DNAJB14: variants seen among roughly 807,000 people sequenced by gnomAD.
DNAJB14 encodes the protein dnaJ homolog subfamily B member 14.
In DNAJB14, 22 loss-of-function variants were observed where a neutral mutation model predicts 48.4. That is an observed-to-expected ratio of 0.45 (90% CI 0.32 to 0.65). The LOEUF is 0.65. DNAJB14 is among the 30% of genes least tolerant of loss of function. The probability of loss-of-function intolerance (pLI) is 0.03; values close to 1 mark genes in which losing one functional copy is unlikely to be tolerated. For missense variants in DNAJB14, 319 were observed against 458.8 expected, an observed-to-expected ratio of 0.70 and a Z score of 2.78; for synonymous variants, 142 against 158.7, an observed-to-expected ratio of 0.89 and a Z score of 0.79.
chr4:99,903,736 T>C lies in DNAJB14; in HGVS notation c.1005A>G (p.Glu335=). Residue 335 remains glutamate, a synonymous_variant, in exon 7 of 8, where the codon GAA becomes GAG. Coordinates refer to ENST00000442697, the MANE Select transcript of DNAJB14 (RefSeq NM_001031723.4). ...ACATGACAAACTTACTTTGTTGTCT[T>C]TCTTTCCAGCAGTTATTTCGAATAT... The part of the protein sequence containing the change: ...VTNIRNNCWK[E]RQQKTDMQYA... 6.2e-7 allele frequency: 1 copy of C among 1,607,644 alleles called. No homozygotes were observed. The highest frequency in any genetic ancestry group is 1.1e-5 in the South Asian group (1 of 90,524).
At chr4:99,923,625 G>A (rs974107427) in intron 2 of DNAJB14, 3 of 983,806 alleles carry the variant, frequency 3.0e-6, no homozygotes, top group Non-Finnish European at 3.6e-6. Flanking sequence ...CTTGCATAAT[G>A]TAGATCTAAC....
chr4:99,906,057 G>A, intron 5 of DNAJB14: 1 of 1,313,520 alleles, frequency 7.6e-7, no homozygotes, highest in Non-Finnish European at 9.9e-7. Flanking sequence ...GAGGGTAGAA[G>A]ATGGGAGCTG....
chr4:99,920,062 CTGA>C (rs760001359), intron 3 of DNAJB14, among the ~76,000 whole-genome samples: 13 of 152,148 alleles, frequency 8.5e-5, no homozygotes, highest in South Asian at 2.1e-4. Flanking sequence ...CTGGGTAAAT[CTGA>C]GTCTCAATTT....
Position 99,910,446 on chromosome 4 carries a change from T to A in DNAJB14, c.452-1550A>T, listed in dbSNP as rs188212261. On this transcript the variant is annotated intron_variant, in intron 3 of 7. Transcript: ENST00000442697. ...TTAGTAACAATATCAATTTTAGGATTTAACATCTATAAACTAAAAGGGCTA... is the reference window on the plus strand; with the variant it reads ...TTAGTAACAATATCAATTTTAGGATATAACATCTATAAACTAAAAGGGCTA... 6.0e-4 allele frequency: 92 copies of A among 152,170 alleles called. 1 individual carries two copies. The highest frequency in any genetic ancestry group is 1.9e-3 in the African/African-American group (77 of 41,572). The allele number at this position is 152,170 out of a possible 1,614,324, so 9.4% of individuals were successfully genotyped here.
At chr4:99,944,991 T>A (rs1031843560) in intron 1 of DNAJB14, among the ~76,000 whole-genome samples, 4 of 152,198 alleles carry the variant, frequency 2.6e-5, no homozygotes, top group African/African-American at 9.7e-5. Flanking sequence ...AATCTACCTA[T>A]CTGAGGTAAC....
chr4:99,924,703 G>A lies in DNAJB14; in HGVS notation c.306-1518C>T, dbSNP rs571274156. The stretch of plus-strand genomic sequence containing the variant: ...TGTAGAGACTCATTCTCCTAGAAAT[G>A]TTTAGAAGCTATGTGATAGAAAAAA... On this transcript the variant is annotated intron_variant, in intron 2 of 7. Coordinates refer to ENST00000442697, the MANE Select transcript of DNAJB14 (RefSeq NM_001031723.4). 320 of 1,603,580 alleles carry A rather than the reference G, an allele frequency of 2.0e-4. 8 individuals carry two copies. The South Asian group carries it at 3.5e-3, about 17-fold the overall frequency.
chr4:99,928,367 G>A (rs1726330484), intron 2 of DNAJB14: 1 of 162,724 alleles, frequency 6.1e-6, no homozygotes, highest in South Asian at 1.6e-4. Flanking sequence ...CTGTATGTCT[G>A]TATGTCTCTG....
rs1725276412 is a variant in DNAJB14 at position 99,900,990 on chromosome 4, T to C, written c.*38A>G. 8.9e-6 allele frequency: 14 copies of C among 1,574,358 alleles called. No homozygotes were observed. The highest frequency in any genetic ancestry group is 1.1e-5 in the Non-Finnish European group (13 of 1,165,852). On this transcript the variant is annotated 3_prime_UTR_variant, in exon 8 of 8. Coordinates refer to ENST00000442697, the MANE Select transcript of DNAJB14 (RefSeq NM_001031723.4). ...AAACCAAACTTACTTACAGAAAAAA[T>C]AAAGAGTACGCTAAAAGGTATAAAT... is the stretch of plus-strand genomic sequence containing the variant.
chr4:99,943,640 G>A (rs1726958211), intron 1 of DNAJB14, among the ~76,000 whole-genome samples: 1 of 152,146 alleles, frequency 6.6e-6, no homozygotes, highest in Admixed American at 6.5e-5. Context: ...AAAGGCTAGA[G>A]AGGTTCTCTA....
intron 1 of DNAJB14, among the ~76,000 whole-genome samples, chr4:99,933,243 C>T (rs1397219605): frequency 2.0e-5 from 3 of 149,166 alleles, no homozygotes. Context: ...TATATATATA[C>T]ACACACTCAA....
At chr4:99,905,815 TCAGTG>T (rs1446482314) in intron 5 of DNAJB14, 109 bp from the exon 6 acceptor site, 1 of 1,297,216 alleles carries the variant, frequency 7.7e-7, no homozygotes, top group Non-Finnish European at 1.1e-6. Flanking sequence ...ATCATCTAGT[TCAGTG>T]CTTTCAAATC....
chr4:99,906,016 A>T, intron 5 of DNAJB14: 1 of 1,309,694 alleles, frequency 7.6e-7, no homozygotes, highest in Non-Finnish European at 9.9e-7. Flanking sequence ...AATATGCTGC[A>T]GGCTGTAAAA....
At chr4:99,905,422 C>T (rs1725428587) in intron 6 of DNAJB14, among the ~76,000 whole-genome samples, 175 bp downstream of exon 6, 1 of 151,704 alleles carries the variant, frequency 6.6e-6, no homozygotes, top group Non-Finnish European at 1.5e-5. Flanking sequence ...CAACATAAGA[C>T]AAATTTATTA....
Position 99,899,617 on chromosome 4 carries a change from C to A in DNAJB14, c.*1411G>T, listed in dbSNP as rs1274311037. On this transcript the variant is annotated 3_prime_UTR_variant, in exon 8 of 8. Transcript: ENST00000442697. ...CTACATTCAGGAAAAAAAACTTAAA[C>A]AAAGAACAAAGCCACCCTATCTAGC... 6.6e-6 allele frequency: 1 copy of A among 152,006 alleles called. No homozygotes were observed. The highest frequency in any genetic ancestry group is 1.5e-5 in the Non-Finnish European group (1 of 67,726). 9.4% of individuals were successfully genotyped at this position (152,006 alleles called of 1,614,324 possible). A position where few individuals can be genotyped will look rare whatever the true frequency, so the allele number is the denominator to read the frequency against.
At chr4:99,919,634 A>C (rs1289191234) in intron 3 of DNAJB14, among the ~76,000 whole-genome samples, 2 of 151,834 alleles carry the variant, frequency 1.3e-5, no homozygotes, top group Non-Finnish European at 2.9e-5. Context: ...ACTAACTAAT[A>C]TGTTGTTCTT....
chr4:99,945,166 GCA>G (rs1466547907), intron 1 of DNAJB14, among the ~76,000 whole-genome samples: 2 of 152,174 alleles, frequency 1.3e-5, no homozygotes, highest in African/African-American at 4.8e-5. Context: ...CTAATGGACT[GCA>G]CACTTAAAAA....
intron 1 of DNAJB14, among the ~76,000 whole-genome samples, chr4:99,937,465 C>T (rs572352358): frequency 4.8e-4 from 73 of 152,260 alleles, no homozygotes; most frequent in African/African-American, 1.7e-3. Flanking sequence ...TAGCTCACAC[C>T]TGTAATCCCA....
chr4:99,902,828 A>C (rs1475276445), intron 7 of DNAJB14, among the ~76,000 whole-genome samples: 1 of 152,160 alleles, frequency 6.6e-6, no homozygotes, highest in Non-Finnish European at 1.5e-5. Flanking sequence ...TCTTTGCTTC[A>C]GTTTCTTCAT....
intron 1 of DNAJB14, among the ~76,000 whole-genome samples, chr4:99,936,081 A>T (rs1407989715): frequency 2.0e-5 from 3 of 149,450 alleles, no homozygotes; most frequent in Non-Finnish European, 3.0e-5. Flanking sequence ...AATAAATTTA[A>T]AAATAGAGAC....
Sources: gnomAD v4.1 joint callset for allele counts (sites outside exome capture counted in the v4.1 genomes callset) on GRCh38, gnomAD v4.1.1 for gene constraint, MANE v1.5 for transcripts, NCBI Gene and HGNC (gene_info 2026-07-23, HGNC 2026-07-21) for gene names.